The following NAV1 variants were observed in gnomAD, a reference collection of about 807,000 sequenced individuals.
The protein encoded by NAV1 is neuron navigator 1.
NAV1 carries 18 observed loss-of-function variants against 175.2 expected under a neutral mutation model. The ratio of observed to expected loss-of-function variants is 0.10; its 90% CI spans 0.07 to 0.15. The LOEUF (loss-of-function observed/expected upper bound fraction) is 0.15. NAV1 is among the 10% of genes least tolerant of loss of function. The pLI is 1.00. For synonymous variants in NAV1, 897 were observed against 978.7 expected (o/e 0.92, Z 1.56); for missense variants, 1,731 against 2,436.6 (o/e 0.71, Z 6.10).
intron 3 of NAV1, among the ~76,000 whole-genome samples, chr1:201,730,734 C>T (rs964037036): frequency 2.0e-5 from 3 of 152,216 alleles, no homozygotes; most frequent in Non-Finnish European, 4.4e-5. Flanking sequence ...GGTCCAAGGG[C>T]AGAAGGAGCA....
At chr1:201,791,506 A>G (rs1022161604) in intron 13 of NAV1, 3 of 152,238 alleles carry the variant, frequency 2.0e-5, no homozygotes, top group African/African-American at 4.8e-5. Flanking sequence ...CAAACAGAGA[A>G]CATAAGAGCC....
chr1:201,695,557 C>G (rs1671155264), intron 1 of NAV1, among the ~76,000 whole-genome samples: 1 of 152,248 alleles, frequency 6.6e-6, no homozygotes, highest in Admixed American at 6.5e-5. Context: ...CTTGGCAGAC[C>G]TGGAAAATCT....
At chr1:201,746,546 T>C (rs989124453) in intron 3 of NAV1, among the ~76,000 whole-genome samples, 1 of 152,106 alleles carries the variant, frequency 6.6e-6, no homozygotes, top group Non-Finnish European at 1.5e-5. Context: ...TGTAATAGAA[T>C]TGGATATTTA....
intron 1 of NAV1, among the ~76,000 whole-genome samples, chr1:201,655,354 C>T (rs906584160): frequency 3.2e-4 from 49 of 152,208 alleles, no homozygotes; most frequent in African/African-American, 4.1e-4. Flanking sequence ...TTCTCATTTG[C>T]GCTGGCTGAC....
intron 1 of NAV1, among the ~76,000 whole-genome samples, chr1:201,665,611 C>T (rs1328114451): frequency 6.6e-6 from 1 of 151,690 alleles, no homozygotes; most frequent in Non-Finnish European, 1.5e-5. Context: ...TGCCCACCAC[C>T]TCCTGAGGTC....
chr1:201,545,760 TGC>T (rs2102446329), intron 1 of NAV1, among the ~76,000 whole-genome samples: 1 of 152,368 alleles, frequency 6.6e-6, no homozygotes, highest in African/African-American at 2.4e-5. Flanking sequence ...ATTTGTAGAT[TGC>T]CCCTGAAAAC....
rs182835897 is a variant in NAV1 at position 201,617,252 on chromosome 1, C to G, written c.-32-5601C>G. On this transcript the variant is annotated intron_variant, in intron 2 of 33. Transcript: ENST00000685211. Reference sequence around the variant, plus strand: ...TCTCTCTCTCTCTCTGTCTGTCACACACACACACACATAAACACACACACA... The same window carrying G: ...TCTCTCTCTCTCTCTGTCTGTCACAGACACACACACATAAACACACACACA... Among the ~76,000 whole-genome samples the G allele has an allele frequency of 5.3e-5, 8 of 152,108 alleles. No individual in the cohort carries two copies. The East Asian group carries it at 1.5e-3, about 29-fold the overall frequency.
chr1:201,602,540 A>G (rs1314069310), intron 2 of NAV1, among the ~76,000 whole-genome samples: 3 of 149,892 alleles, frequency 2.0e-5, no homozygotes, highest in Non-Finnish European at 4.4e-5. Flanking sequence ...ACAGGGTTCC[A>G]CCGTGTTGGC....
chr1:201,732,281 A>G (rs1444534360), intron 3 of NAV1, among the ~76,000 whole-genome samples: 1 of 152,094 alleles, frequency 6.6e-6, no homozygotes, highest in East Asian at 1.9e-4. Context: ...TTTTTAATCC[A>G]TGCTAAGTTT....
In NAV1 at chr1:201,721,525, C is replaced by T. The variant is rs542219150; in HGVS notation, c.1226+2770C>T. On this transcript the variant is annotated intron_variant, in intron 3 of 29. Coordinates refer to ENST00000367296, the Ensembl canonical transcript of NAV1. ...ACCTGAGCTGTCGTTGCTCAGCCTC[C>T]TGTTGGTCTTCTCATCCCCACTGTG... is the stretch of plus-strand genomic sequence containing the variant. 1.3e-3 allele frequency among the ~76,000 whole-genome samples: 203 copies of T among 152,376 alleles called. 1 individual carries two copies. Among genetic ancestry groups the T allele is most frequent in the Non-Finnish European group, 2.4e-3 (162 of 68,036 alleles).
In NAV1 at chr1:201,740,067, TC is replaced by T. The variant is rs1436699952; in HGVS notation, c.1226+21317del. On this transcript the variant is annotated intron_variant, in intron 3 of 29. Coordinates refer to ENST00000367296, the Ensembl canonical transcript of NAV1. This position sits in a 1 kb window ranked among gnomAD's most constrained non-coding sequence, Gnocchi z 4.7. The stretch of plus-strand genomic sequence containing the variant: ...CCCAGATCCGGAAGAACGGTGAATT[TC>T]CCCCGCAGGTAAGCGCCCCCACCCC... 2 of 1,492,694 alleles carry T rather than the reference TC, an allele frequency of 1.3e-6. No individual in the cohort carries two copies. Among genetic ancestry groups the T allele is most frequent in the Admixed American group, 4.8e-5 (2 of 42,074 alleles). The allele number at this position is 1,492,694 out of a possible 1,614,324, so 92.5% of individuals were successfully genotyped here. A position where few individuals can be genotyped will look rare whatever the true frequency, so the allele number is the denominator to read the frequency against.
At chr1:201,638,349 TCTC>T (rs1181941028) in intron 2 of NAV1, among the ~76,000 whole-genome samples, 1 of 152,126 alleles carries the variant, frequency 6.6e-6, no homozygotes, top group Non-Finnish European at 1.5e-5. Flanking sequence ...TCTGAAGGAT[TCTC>T]CTCTGCCACA....
intron 1 of NAV1, among the ~76,000 whole-genome samples, chr1:201,654,270 T>C (rs1669314543): frequency 6.6e-6 from 1 of 152,190 alleles, no homozygotes; most frequent in South Asian, 2.1e-4. Flanking sequence ...TAGACCTGCA[T>C]TGAATGGGTA....
At chr1:201,576,681 C>A (rs1666700955) in intron 1 of NAV1, among the ~76,000 whole-genome samples, 1 of 152,124 alleles carries the variant, frequency 6.6e-6, no homozygotes, top group African/African-American at 2.4e-5. Flanking sequence ...GTGTTAGTTG[C>A]AAGTTAATTT....
chr1:201,558,147 A>G (rs1666086545), intron 1 of NAV1, among the ~76,000 whole-genome samples: 1 of 152,238 alleles, frequency 6.6e-6, no homozygotes, highest in African/African-American at 2.4e-5. Context: ...TTCACTGAAA[A>G]TAAACTGACG....
chr1:201,621,682 T>C (rs1558022762), upstream of NAV1, among the ~76,000 whole-genome samples: 1 of 152,112 alleles, frequency 6.6e-6, no homozygotes, highest in Non-Finnish European at 1.5e-5. Context: ...TTTGAAAAGG[T>C]TTTTTGCCCA....
At chr1:201,759,334 C>A (rs1674697235) in intron 3 of NAV1, among the ~76,000 whole-genome samples, 1 of 152,156 alleles carries the variant, frequency 6.6e-6, no homozygotes, top group South Asian at 2.1e-4. Flanking sequence ...TTGATGCAAG[C>A]TTAGAGGCAG....
intron 3 of NAV1, among the ~76,000 whole-genome samples, chr1:201,773,837 C>T (rs969019811): frequency 1.3e-5 from 2 of 152,138 alleles, no homozygotes; most frequent in Non-Finnish European, 2.9e-5. Flanking sequence ...TTGAAATATC[C>T]GTTGACAAGG....
Position 201,789,753 on chromosome 1 carries a change from G to A in NAV1, c.3180G>A (p.Val1060=), listed in dbSNP as rs111662044. The A allele has an allele frequency of 6.2e-6, 10 of 1,613,918 alleles. No individual in the cohort carries two copies. The African/African-American group carries it at 1.3e-4, about 22-fold the overall frequency. ...CTTCTCTTTCAGTTCACGGCTCAGT[G>A]CTGTCCCTGGCCTCCAGTGCCTCCT... The change falls in exon 11 of 30, where the codon GTG becomes GTA. Residue 1060 remains valine (V), a synonymous_variant. Transcript: ENST00000367296.
Sources: gnomAD v4.1 joint callset for allele counts (sites outside exome capture counted in the v4.1 genomes callset) on GRCh38, gnomAD v4.1.1 for gene constraint, Gnocchi (gnomAD v3.1) non-coding constraint, MANE v1.5 for transcripts, NCBI Gene and HGNC (gene_info 2026-07-23, HGNC 2026-07-21) for gene names.